Variants in SYNM observed in about 807,000 individuals in gnomAD.
SYNM encodes synemin, also known as desmuslin.
In SYNM, 95 loss-of-function variants were observed where a neutral mutation model predicts 104.0. The observed-to-expected ratio is 0.91, with a 90% CI of 0.77 to 1.08. The LOEUF is 1.08. Ranked by LOEUF, SYNM falls within the 50% of genes least tolerant of loss-of-function variation. The probability of loss-of-function intolerance (pLI) is 0.00; values close to 1 mark genes in which losing one functional copy is unlikely to be tolerated. For missense variants in SYNM, 2,150 were observed against 2,052.2 expected, an observed-to-expected ratio of 1.05 and a Z score of -0.92; for synonymous variants, 918 against 869.0, an observed-to-expected ratio of 1.06 and a Z score of -0.99.
At chr15:99,119,297 A>G (rs1432112003) in intron 2 of SYNM, among the ~76,000 whole-genome samples, 1 of 152,224 alleles carries the variant, frequency 6.6e-6, no homozygotes, top group African/African-American at 2.4e-5. Context: ...GGGCGGCAGC[A>G]TGCGCATTGT....
intron 2 of SYNM, among the ~76,000 whole-genome samples, chr15:99,114,271 A>AGGCAG (rs1362571872): frequency 7.9e-5 from 12 of 151,362 alleles, no homozygotes; most frequent in African/African-American, 2.9e-4. Context: ...AGGTGGCAGG[A>AGGCAG]GAGAGAGAGA....
chr15:99,108,871 T>A (rs1275186811), intron 1 of SYNM, among the ~76,000 whole-genome samples: 17 of 152,234 alleles, frequency 1.1e-4, no homozygotes, highest in South Asian at 4.1e-4. Flanking sequence ...TAATTGCTCT[T>A]CCTAAGGGCT....
rs371133008 is a variant in SYNM, at chr15:99,129,373, G to C, written c.1013G>C (p.Arg338Thr). ...CTTTGTTCAATTTCTACAGAATTCAGAAACAAATCCTATCACTATACCGAC... is the reference window on the plus strand; with the variant it reads ...CTTTGTTCAATTTCTACAGAATTCACAAACAAATCCTATCACTATACCGAC... ...EHVENMPSEF[R>T]NKSYHYTDSL... Residue 338 changes from arginine to threonine, a missense_variant, in exon 4 of 4, where the codon AGA becomes ACA. Coordinates refer to ENST00000336292, the MANE Select transcript of SYNM (RefSeq NM_145728.3). 6.2e-7 allele frequency: 1 copy of C among 1,609,858 alleles called. No individual in the cohort carries two copies. The highest frequency in any genetic ancestry group is 1.3e-5 in the African/African-American group (1 of 74,846).
In SYNM at chr15:99,132,007, G is replaced by C; in HGVS notation, c.3647G>C (p.Gly1216Ala). The change falls in exon 4 of 4, where the codon GGA becomes GCA. Residue 1216 changes from glycine to alanine, a missense_variant. Gly to Ala is a moderately conservative substitution (Grantham distance 60, BLOSUM62 0). Transcript: ENST00000336292. ...GCAGAGTCTTCTGCAGATATGGACG[G>C]ATCAGGGAGGCACAGCACATTTGGC... ...GPAESSADMD[G>A]SGRHSTFGCR... The C allele has an allele frequency of 6.2e-7, 1 of 1,613,992 alleles. No homozygotes were observed. Among genetic ancestry groups the C allele is most frequent in the Non-Finnish European group, 8.5e-7 (1 of 1,179,902 alleles).
chr15:99,125,652 C>T lies in SYNM; in HGVS notation c.936-1070C>T, dbSNP rs376064059. On this transcript the variant is annotated intron_variant, in intron 2 of 3. Coordinates refer to ENST00000336292, the MANE Select transcript of SYNM (RefSeq NM_145728.3). ...TTGTCCAAGCTGCCAAGTCCCTGCT[C>T]GGGTGTGGGCACCCTGCTCCGTTTT... Among the ~76,000 whole-genome samples the T allele has an allele frequency of 2.6e-5, 4 of 152,360 alleles. No homozygotes were observed. The South Asian group carries it at 6.2e-4, about 24-fold the overall frequency.
intron 1 of SYNM, among the ~76,000 whole-genome samples, chr15:99,111,006 C>G (rs375313270): frequency 6.6e-6 from 1 of 152,240 alleles, no homozygotes; most frequent in African/African-American, 2.4e-5. Context: ...TTCCAAACGT[C>G]AACTAATTTT....
Position 99,132,827 on chromosome 15 carries a change from C to G in SYNM, c.4467C>G (p.Ser1489=), listed in dbSNP as rs781824120. Residue 1489 remains serine (S), a synonymous_variant, in exon 4 of 4, where the codon TCC becomes TCG. Transcript: ENST00000336292. The part of the protein sequence containing the change: ...AGALGVSDRG[S]WRDADSRNDQ... ...CTCTCGGTGTGTCTGACCGTGGTTCCTGGAGAGACGCGGACAGTAGGAATG... is the reference window on the plus strand; with the variant it reads ...CTCTCGGTGTGTCTGACCGTGGTTCGTGGAGAGACGCGGACAGTAGGAATG... 2 of 1,613,190 alleles carry G rather than the reference C, an allele frequency of 1.2e-6. No individual in the cohort carries two copies. The highest frequency in any genetic ancestry group is 1.7e-6 in the Non-Finnish European group (2 of 1,179,680).
rs139038122 is a variant in SYNM, at chr15:99,119,278, C to G, written c.935+5563C>G. Among the ~76,000 whole-genome samples the G allele has an allele frequency of 3.4e-3, 511 of 152,304 alleles. 7 individuals carry two copies. Among genetic ancestry groups the G allele is most frequent in the Non-Finnish European group, 4.7e-3 (323 of 68,026 alleles). On this transcript the variant is annotated intron_variant, in intron 2 of 3. Coordinates refer to ENST00000336292, the MANE Select transcript of SYNM (RefSeq NM_145728.3). The stretch of plus-strand genomic sequence containing the variant: ...GGAGAATCCCCGGTCCAGGGCCTCA[C>G]AGCTCACAGGGCGGCAGCATGCGCA...
At chr15:99,119,959 A>G (rs2067384498) in intron 2 of SYNM, among the ~76,000 whole-genome samples, 1 of 152,202 alleles carries the variant, frequency 6.6e-6, no homozygotes, top group African/African-American at 2.4e-5. Context: ...ATTATCTCTG[A>G]CCATGAATGG....
chr15:99,105,522 G>A lies in SYNM; in HGVS notation c.323G>A (p.Arg108His). Reference protein sequence around the residue: ...LDAEERAARGRLDAELGAQQR... With the variant: ...LDAEERAARGHLDAELGAQQR... ...GCGGAGGAGCGCGCCGCCCGCGGCC[G>A]CCTGGACGCCGAGCTGGGTGCGCAG... is the stretch of plus-strand genomic sequence containing the variant. The change falls in exon 1 of 4, where the codon CGC becomes CAC. Residue 108 changes from arginine to histidine, a missense_variant. Transcript: ENST00000336292. 4 of 1,255,490 alleles carry A rather than the reference G, an allele frequency of 3.2e-6. No individual in the cohort carries two copies. Among genetic ancestry groups the A allele is most frequent in the Non-Finnish European group, 4.0e-6 (4 of 1,002,894 alleles). 77.8% of individuals were successfully genotyped at this position (1,255,490 alleles called of 1,614,324 possible). A position where few individuals can be genotyped will look rare whatever the true frequency, so the allele number is the denominator to read the frequency against.
chr15:99,106,134 C>A, intron 1 of SYNM, 125 bp downstream of exon 1: 1 of 1,067,630 alleles, frequency 9.4e-7, no homozygotes, highest in Non-Finnish European at 1.2e-6. Context: ...GTAGGGCCCG[C>A]CCAGAGGGTG....
At chr15:99,139,856 G>A, downstream of SYNM, 1 of 861,254 alleles carries the variant, frequency 1.2e-6, no homozygotes, top group South Asian at 1.6e-5. Flanking sequence ...TTAGTTATTA[G>A]GAACCAAATA....
rs1056144564 is a variant in SYNM at position 99,115,067 on chromosome 15, C to T, written c.935+1352C>T. Among the ~76,000 whole-genome samples the T allele has an allele frequency of 3.3e-5, 5 of 152,182 alleles. 1 individual carries two copies. In the South Asian group the frequency reaches 6.2e-4, roughly 19 times the overall value. ...CCTCTTAGAGGTGAGAGAGAGAGGC[C>T]GGGAGGTTGGGGCTGCAGGCTGGTG... On this transcript the variant is annotated intron_variant, in intron 2 of 3. Transcript: ENST00000336292.
rs1018061101 is a variant in SYNM at position 99,133,280 on chromosome 15, A to C, written c.*222A>C. The C allele has an allele frequency of 2.1e-6, 2 of 931,370 alleles. No homozygotes were observed. The highest frequency in any genetic ancestry group is 3.0e-6 in the Non-Finnish European group (2 of 662,974). 57.7% of individuals were successfully genotyped at this position (931,370 alleles called of 1,614,324 possible). On this transcript the variant is annotated 3_prime_UTR_variant, in exon 4 of 4. Coordinates refer to ENST00000336292, the MANE Select transcript of SYNM (RefSeq NM_145728.3). ...ACTGCAATTTTATTTTTGAGTTGGG[A>C]CTTTTACAAAACACTTTTTTCCCTG...
chr15:99,105,424 C>T lies in SYNM; in HGVS notation c.225C>T (p.Ser75=). The T allele has an allele frequency of 6.7e-7, 1 of 1,481,920 alleles. No individual in the cohort carries two copies. The allele number at this position is 1,481,920 out of a possible 1,614,324, so 91.8% of individuals were successfully genotyped here. A position where few individuals can be genotyped will look rare whatever the true frequency, so the allele number is the denominator to read the frequency against. ...RSLRQQLDEL[S]WATALAEGER... ...TGCGGCAGCAGCTGGACGAGCTGAGCTGGGCCACTGCGCTGGCGGAGGGCG... is the reference window on the plus strand; with the variant it reads ...TGCGGCAGCAGCTGGACGAGCTGAGTTGGGCCACTGCGCTGGCGGAGGGCG... Residue 75 remains serine (S), a synonymous_variant, in exon 1 of 4, where the codon AGC becomes AGT. Coordinates refer to ENST00000336292, the MANE Select transcript of SYNM (RefSeq NM_145728.3).
At chr15:99,107,423 T>C (rs1014312725) in intron 1 of SYNM, among the ~76,000 whole-genome samples, 4 of 152,226 alleles carry the variant, frequency 2.6e-5, no homozygotes, top group Non-Finnish European at 5.9e-5. Context: ...AAGGAGTATC[T>C]GTCAAACCTA....
intron 2 of SYNM, among the ~76,000 whole-genome samples, chr15:99,125,722 C>T (rs2151806890): frequency 6.6e-6 from 1 of 152,350 alleles, no homozygotes; most frequent in South Asian, 2.1e-4. Flanking sequence ...TCAGTGGGCT[C>T]TTGTTCTGGA....
rs2067483904 is a variant in SYNM at position 99,130,011 on chromosome 15, CAGAG to C, written c.1655_1658del (p.Arg552LysfsTer5). 1.2e-6 allele frequency: 2 copies of C among 1,613,448 alleles called. No individual in the cohort carries two copies. The highest frequency in any genetic ancestry group is 2.2e-5 in the East Asian group (1 of 44,874). On this transcript the variant is annotated frameshift_variant, in exon 4 of 4. Transcript: ENST00000336292. LOFTEE classifies it high-confidence loss of function. The stretch of plus-strand genomic sequence containing the variant: ...GACAAAGTTAGATAAGGAAGCGAGA[CAGAG>C]AGAAAGCCAGCAGATGAAGGAGAAG...
At position 99,132,883 on chromosome 15, in the gene SYNM, C is replaced by G. The variant is rs373105358; in HGVS notation, c.4523C>G (p.Ser1508Cys). 13 of 1,613,738 alleles carry G rather than the reference C, an allele frequency of 8.1e-6. No homozygotes were observed. The highest frequency in any genetic ancestry group is 1.0e-5 in the Non-Finnish European group (12 of 1,179,886). The change falls in exon 4 of 4, where the codon TCT becomes TGT. Residue 1508 changes from serine (S) to cysteine (C), a missense_variant. Coordinates refer to ENST00000336292, the MANE Select transcript of SYNM (RefSeq NM_145728.3). The part of the protein sequence containing the change: ...DQAVGVSFKA[S>C]AGEGDQAHRE... ...GCAGTTGGTGTGAGCTTTAAGGCCT[C>G]TGCTGGGGAAGGAGACCAGGCCCAC...
Sources: allele counts gnomAD v4.1 joint callset (sites outside exome capture counted in the v4.1 genomes callset), GRCh38; gene constraint gnomAD v4.1.1; transcripts MANE v1.5; gene names NCBI Gene and HGNC (gene_info 2026-07-23, HGNC 2026-07-21).